Variants in IL1RAPL1 observed in about 807,000 individuals in gnomAD.
The protein encoded by IL1RAPL1 is interleukin 1 receptor accessory protein like 1.
Under a neutral mutation model 48.4 loss-of-function variants are expected in IL1RAPL1, and 3 were observed. That is an observed-to-expected ratio of 0.06 (90% CI 0.03 to 0.16). The LOEUF (loss-of-function observed/expected upper bound fraction) is 0.16, where lower values mean the gene tolerates loss of function less well. Ranked by LOEUF, IL1RAPL1 falls within the 10% of genes least tolerant of loss-of-function variation. The pLI, the probability that IL1RAPL1 is intolerant of heterozygous loss-of-function variation, is 1.00. For synonymous variants in IL1RAPL1, 185 were observed against 187.7 expected (o/e 0.99, Z 0.12); for missense variants, 349 against 530.6 (o/e 0.66, Z 3.36).
intron 5 of IL1RAPL1, among the ~76,000 whole-genome samples, chrX:29,634,324 C>T (rs1333018736): frequency 9.0e-6 from 1 of 111,089 alleles, no homozygotes; most frequent in Non-Finnish European, 1.9e-5. Flanking sequence ...TGAATATAAC[C>T]ATCCCATATT....
chrX:29,177,018 C>T (rs1930038050), intron 2 of IL1RAPL1, among the ~76,000 whole-genome samples: 1 of 111,274 alleles, frequency 9.0e-6, no homozygotes, highest in Non-Finnish European at 1.9e-5. Context: ...TCTCATTTCC[C>T]TTACAACTCA....
intron 6 of IL1RAPL1, among the ~76,000 whole-genome samples, chrX:29,783,348 AGAG>A (rs1182115114): frequency 9.0e-6 from 1 of 111,688 alleles, no homozygotes; most frequent in African/African-American, 3.3e-5. Flanking sequence ...AGTCCTGATT[AGAG>A]GAGGGAACAA....
At chrX:29,158,910 TTCTC>T (rs200150150) in intron 2 of IL1RAPL1, among the ~76,000 whole-genome samples, 7 of 84,436 alleles carry the variant, frequency 8.3e-5, no homozygotes, top group Non-Finnish European at 9.0e-5. Flanking sequence ...TTCTTTTCTT[TTCTC>T]TCTCTCTCTC....
chrX:28,804,758 C>T (rs1038894837), intron 2 of IL1RAPL1, among the ~76,000 whole-genome samples: 2 of 111,566 alleles, frequency 1.8e-5, no homozygotes, highest in Non-Finnish European at 3.8e-5. Flanking sequence ...ATCATACCTT[C>T]TAGGTTCCTT....
In IL1RAPL1 at chrX:29,275,440, T is replaced by G. The variant is rs1007378414; in HGVS notation, c.83-7498T>G. ...TCTGTACTCCTCACCACTCCACTAT[T>G]TCAGAACCTTACCATATACTGTCCT... On this transcript the variant is annotated intron_variant, in intron 2 of 10. Coordinates refer to ENST00000378993, the MANE Select transcript of IL1RAPL1 (RefSeq NM_014271.4). Among the ~76,000 whole-genome samples the G allele has an allele frequency of 3.6e-5, 4 of 111,949 alleles. No homozygotes were observed. In the South Asian group the frequency reaches 1.5e-3, roughly 42 times the overall value.
At chrX:28,934,328 G>A (rs928372745) in intron 2 of IL1RAPL1, among the ~76,000 whole-genome samples, 20 of 111,295 alleles carry the variant, frequency 1.8e-4, no homozygotes, top group African/African-American at 1.3e-4. Context: ...TAGTGGAGAC[G>A]TTTCACTTCC....
chrX:29,450,410 A>C, intron 5 of IL1RAPL1, among the ~76,000 whole-genome samples: 1 of 111,834 alleles, frequency 8.9e-6, no homozygotes, highest in Admixed American at 9.5e-5. Context: ...ACAACTACTT[A>C]TCTCTGCTGT....
intron 2 of IL1RAPL1, among the ~76,000 whole-genome samples, chrX:29,112,857 T>C (rs34076842): frequency 1.0e-5 from 1 of 99,584 alleles, no homozygotes. Flanking sequence ...TGGAGGGCAG[T>C]GGCGAGATCT....
intron 5 of IL1RAPL1, among the ~76,000 whole-genome samples, chrX:29,637,527 A>G (rs899967483): frequency 2.7e-5 from 3 of 111,526 alleles, no homozygotes; most frequent in Non-Finnish European, 3.8e-5. Flanking sequence ...TGGAGAAGGT[A>G]TATATGTATG....
chrX:29,786,455 G>A (rs1852205759), intron 6 of IL1RAPL1, among the ~76,000 whole-genome samples: 1 of 111,702 alleles, frequency 9.0e-6, no homozygotes, highest in Admixed American at 9.5e-5. Flanking sequence ...TATGATAAGT[G>A]TGGAAAGCCT....
intron 5 of IL1RAPL1, among the ~76,000 whole-genome samples, chrX:29,532,214 G>A (rs1921066654): frequency 8.9e-6 from 1 of 111,919 alleles, no homozygotes; most frequent in African/African-American, 3.2e-5. Context: ...GCCCCACCTT[G>A]TTCTGTCCCT....
chrX:28,814,009 G>A (rs1414669228), intron 2 of IL1RAPL1, among the ~76,000 whole-genome samples: 1 of 110,653 alleles, frequency 9.0e-6, no homozygotes, highest in Non-Finnish European at 1.9e-5. Flanking sequence ...AGTGCAAGAG[G>A]AGATTACCTC....
intron 1 of IL1RAPL1, among the ~76,000 whole-genome samples, chrX:28,788,792 A>G (rs887391051): frequency 9.0e-6 from 1 of 111,046 alleles, no homozygotes; most frequent in Non-Finnish European, 1.9e-5. Context: ...TTTAATAAAA[A>G]CAAAAGTCTT....
chrX:29,172,752 A>T (rs952641475), intron 2 of IL1RAPL1, among the ~76,000 whole-genome samples: 1 of 111,935 alleles, frequency 8.9e-6, no homozygotes, highest in Non-Finnish European at 1.9e-5. Context: ...GTCTTGTGTG[A>T]TTAAACATTG....
At chrX:29,194,693 G>A (rs1015241801) in intron 2 of IL1RAPL1, among the ~76,000 whole-genome samples, 3 of 111,795 alleles carry the variant, frequency 2.7e-5, no homozygotes, top group African/African-American at 9.8e-5. Flanking sequence ...AATTACTTGG[G>A]TATGAAATGG....
At chrX:29,877,490 G>C (rs1931932770) in intron 6 of IL1RAPL1, among the ~76,000 whole-genome samples, 1 of 111,968 alleles carries the variant, frequency 8.9e-6, no homozygotes, top group Non-Finnish European at 1.9e-5. Flanking sequence ...AACTACAGCA[G>C]TAATGTTTTT....
intron 1 of IL1RAPL1, among the ~76,000 whole-genome samples, chrX:28,746,435 A>G (rs1048893929): frequency 3.6e-5 from 4 of 111,923 alleles, no homozygotes; most frequent in African/African-American, 1.3e-4. Context: ...CATGGACAAT[A>G]GATACACAAT....
At chrX:28,768,753 CTCTATATATA>C (rs1292142278) in intron 1 of IL1RAPL1, among the ~76,000 whole-genome samples, 47 of 53,573 alleles carry the variant, frequency 8.8e-4, no homozygotes, top group African/African-American at 3.7e-3. Context: ...CTCTCTCTCT[CTCTATATATA>C]TATATATATA....
intron 6 of IL1RAPL1, among the ~76,000 whole-genome samples, chrX:29,814,529 G>A (rs751365853): frequency 9.0e-6 from 1 of 111,498 alleles, no homozygotes; most frequent in East Asian, 2.8e-4. Flanking sequence ...CATTCTGTAG[G>A]TTGTCTGAGT....
Sources: allele counts gnomAD v4.1 joint callset (sites outside exome capture counted in the v4.1 genomes callset), GRCh38; gene constraint gnomAD v4.1.1; transcripts MANE v1.5; gene names NCBI Gene and HGNC (gene_info 2026-07-23, HGNC 2026-07-21).